The following MIS18A variants were observed in gnomAD, a reference collection of about 807,000 sequenced individuals.
The protein encoded by MIS18A is MIS18 kinetochore protein A, also known as protein Mis18-alpha.
In MIS18A, 14 loss-of-function variants were observed where a neutral mutation model predicts 25.0. That is an observed-to-expected ratio of 0.56 (90% CI 0.37 to 0.88). The LOEUF is 0.88. Among genes scored for constraint, MIS18A ranks in the 40% least tolerant of loss-of-function variants. The pLI, the probability that MIS18A is intolerant of heterozygous loss-of-function variation, is 0.00. For missense variants in MIS18A, 292 were observed against 290.8 expected, an observed-to-expected ratio of 1.00 and a Z score of -0.03; for synonymous variants, 134 against 118.6, an observed-to-expected ratio of 1.13 and a Z score of -0.84.
chr21:32,194,877 T>C, the MIS18A span, among the ~76,000 whole-genome samples: 2 of 151,888 alleles, frequency 1.3e-5, no homozygotes, highest in African/African-American at 4.8e-5. Context: ...ATAACACACA[T>C]TGCAAATTCC....
the MIS18A span, among the ~76,000 whole-genome samples, chr21:32,158,544 G>A: frequency 3.3e-5 from 5 of 150,916 alleles, no homozygotes; most frequent in Non-Finnish European, 7.4e-5. Context: ...ACACAGTCTC[G>A]GCTCCCCACA....
chr21:32,251,335 GTCTC>G, the MIS18A span, among the ~76,000 whole-genome samples: 6,200 of 151,550 alleles, frequency 0.041, 426 homozygotes, highest in African/African-American at 0.14. Flanking sequence ...TCAATACCCA[GTCTC>G]TCTCTCTCTC....
the MIS18A span, among the ~76,000 whole-genome samples, chr21:32,253,440 A>C: frequency 3.0e-5 from 4 of 134,840 alleles, no homozygotes; most frequent in South Asian, 1.0e-3. Flanking sequence ...AAATTCCCAG[A>C]ATTCATTATT....
the MIS18A span, among the ~76,000 whole-genome samples, chr21:32,248,434 C>T: frequency 2.0e-5 from 3 of 152,166 alleles, no homozygotes; most frequent in Non-Finnish European, 4.4e-5. Flanking sequence ...TCCCCCTGAG[C>T]GCTCAGCTAG....
At chr21:32,265,473 G>A (rs949501294), downstream of MIS18A, among the ~76,000 whole-genome samples, 2 of 152,230 alleles carry the variant, frequency 1.3e-5, no homozygotes, top group Admixed American at 6.5e-5. Flanking sequence ...CTTAGCACCT[G>A]GGCCAGTGGC....
the MIS18A span, among the ~76,000 whole-genome samples, chr21:32,231,666 C>G: frequency 6.6e-4 from 101 of 152,292 alleles, no homozygotes; most frequent in Middle Eastern, 3.4e-3. Context: ...TTAATACCAG[C>G]ACTTTGGGAG....
chr21:32,209,537 C>T, the MIS18A span, among the ~76,000 whole-genome samples: 2 of 152,158 alleles, frequency 1.3e-5, no homozygotes, highest in Non-Finnish European at 2.9e-5. Flanking sequence ...CTGGCAAAAA[C>T]TGCAATAACT....
chr21:32,248,038 T>TG, the MIS18A span, among the ~76,000 whole-genome samples: 1 of 152,156 alleles, frequency 6.6e-6, no homozygotes, highest in Non-Finnish European at 1.5e-5. Flanking sequence ...GTGGAGACTT[T>TG]GGGGTGAAGA....
At chr21:32,277,472 G>T (rs113867838) in intron 1 of MIS18A, among the ~76,000 whole-genome samples, 3,569 of 151,164 alleles carry the variant, frequency 0.024, 150 homozygotes, top group African/African-American at 0.082. Flanking sequence ...TTTCTTTTTT[G>T]AGACGTTGTC....
chr21:32,197,495 G>C, the MIS18A span, among the ~76,000 whole-genome samples: 4 of 152,298 alleles, frequency 2.6e-5, no homozygotes, highest in African/African-American at 9.6e-5. Flanking sequence ...TTTTTTAATG[G>C]ATTCAATATT....
chr21:32,190,776 G>C, the MIS18A span, among the ~76,000 whole-genome samples: 9,761 of 152,256 alleles, frequency 0.064, 356 homozygotes, highest in Middle Eastern at 0.11. Context: ...GAAGCTATGA[G>C]AATAGTTTTC....
At chr21:32,194,630 G>T in the MIS18A span, among the ~76,000 whole-genome samples, 1 of 151,478 alleles carries the variant, frequency 6.6e-6, no homozygotes, top group Non-Finnish European at 1.5e-5. Flanking sequence ...TTGCACTCCA[G>T]CCTGGGCAAC....
At chr21:32,250,854 T>C in the MIS18A span, among the ~76,000 whole-genome samples, 6 of 152,312 alleles carry the variant, frequency 3.9e-5, no homozygotes, top group East Asian at 1.2e-3. Flanking sequence ...GTGATATGGT[T>C]TGGCTGTGCC....
the MIS18A span, among the ~76,000 whole-genome samples, chr21:32,192,960 C>T: frequency 6.6e-6 from 1 of 152,182 alleles, no homozygotes; most frequent in African/African-American, 2.4e-5. Flanking sequence ...CTGATTAAAT[C>T]AGATTAAAAT....
At chr21:32,211,602 T>C in the MIS18A span, among the ~76,000 whole-genome samples, 7 of 152,066 alleles carry the variant, frequency 4.6e-5, no homozygotes, top group African/African-American at 1.7e-4. Flanking sequence ...CACCACTGAG[T>C]TACAATCTGA....
chr21:32,264,526 CT>C (rs1379955231), downstream of MIS18A, among the ~76,000 whole-genome samples: 1 of 152,036 alleles, frequency 6.6e-6, no homozygotes, highest in African/African-American at 2.4e-5. Context: ...TTTGATCATC[CT>C]TGACGCAGGG....
At chr21:32,178,032 A>G in the MIS18A span, among the ~76,000 whole-genome samples, 1 of 151,908 alleles carries the variant, frequency 6.6e-6, no homozygotes. Context: ...TTCCCTCCTC[A>G]GCATCCTGAG....
At chr21:32,194,694 A>C in the MIS18A span, among the ~76,000 whole-genome samples, 7 of 152,186 alleles carry the variant, frequency 4.6e-5, no homozygotes, top group Non-Finnish European at 8.8e-5. Flanking sequence ...TATAGACACC[A>C]TGGAATACTA....
At chr21:32,266,484 G>A (rs1052506747), downstream of MIS18A, among the ~76,000 whole-genome samples, 1 of 152,044 alleles carries the variant, frequency 6.6e-6, no homozygotes, top group African/African-American at 2.4e-5. Flanking sequence ...TCACTCTTTG[G>A]GTCCACGCTG....
Sources: allele counts gnomAD v4.1 joint callset (sites outside exome capture counted in the v4.1 genomes callset), GRCh38; gene constraint gnomAD v4.1.1; transcripts MANE v1.5; gene names NCBI Gene and HGNC (gene_info 2026-07-23, HGNC 2026-07-21).